Variants in ARHGAP20 observed in about 807,000 individuals in gnomAD.
The protein encoded by ARHGAP20 is Rho GTPase activating protein 20, also known as rho GTPase-activating protein 20.
A neutral mutation model predicts 73.7 loss-of-function variants in ARHGAP20; 34 were observed. That is an observed-to-expected ratio of 0.46 (90% CI 0.35 to 0.61). The LOEUF (loss-of-function observed/expected upper bound fraction) is 0.61, where lower values mean the gene tolerates loss of function less well. Among genes scored for constraint, ARHGAP20 ranks in the 20% least tolerant of loss-of-function variants. The probability of loss-of-function intolerance (pLI) is 0.00; values close to 1 mark genes in which losing one functional copy is unlikely to be tolerated. For missense variants in ARHGAP20, 1,314 were observed against 1,420.9 expected (o/e 0.92, Z 1.21); for synonymous variants, 523 against 518.2 (o/e 1.01, Z -0.13).
intron 2 of ARHGAP20, among the ~76,000 whole-genome samples, chr11:110,646,027 T>A (rs999093019): frequency 2.0e-5 from 3 of 152,184 alleles, no homozygotes; most frequent in African/African-American, 7.2e-5. Flanking sequence ...CTATGCTCAC[T>A]ACCTGGGTGA....
intron 2 of ARHGAP20, among the ~76,000 whole-genome samples, chr11:110,671,717 A>G (rs1300131279): frequency 6.6e-6 from 1 of 152,144 alleles, no homozygotes; most frequent in Non-Finnish European, 1.5e-5. Flanking sequence ...TAAAAAAGTC[A>G]TAATATCGAC....
rs191377098 is a variant in ARHGAP20 at position 110,687,929 on chromosome 11, T to C, written c.188+2618A>G. 4.6e-5 allele frequency among the ~76,000 whole-genome samples: 7 copies of C among 152,320 alleles called. No homozygotes were observed. The East Asian group carries it at 1.3e-3, about 29-fold the overall frequency. The stretch of plus-strand genomic sequence containing the variant: ...CACAGAAAAATGAAGCCCAGTAATT[T>C]TTAGAAATGGTTCCAAACAATACAA... On this transcript the variant is annotated intron_variant, in intron 2 of 14. Coordinates refer to ENST00000683387, the MANE Select transcript of ARHGAP20 (RefSeq NM_001384657.1).
At chr11:110,664,349 C>CAT (rs113832520) in intron 2 of ARHGAP20, among the ~76,000 whole-genome samples, 2,113 of 151,502 alleles carry the variant, frequency 0.014, 54 homozygotes, top group African/African-American at 0.047. Context: ...GGATATAAGA[C>CAT]ATATATATAT....
intron 2 of ARHGAP20, among the ~76,000 whole-genome samples, chr11:110,675,980 G>A (rs1208347233): frequency 3.3e-5 from 5 of 152,180 alleles, no homozygotes; most frequent in Admixed American, 3.3e-4. Flanking sequence ...CAGAGTGCCT[G>A]CCTCATGGTG....
At chr11:110,685,444 T>A (rs537264980) in intron 2 of ARHGAP20, among the ~76,000 whole-genome samples, 3 of 152,198 alleles carry the variant, frequency 2.0e-5, no homozygotes, top group South Asian at 2.1e-4. Flanking sequence ...TTTCCTAATA[T>A]AATAATTACT....
chr11:110,580,761 A>C lies in ARHGAP20; in HGVS notation c.2185T>G (p.Ser729Ala). The change falls in exon 15 of 15, where the codon TCC (serine) becomes GCC (alanine). Residue 729 changes from serine to alanine, a missense_variant. Physicochemically the swap from Ser to Ala is moderately conservative, Grantham distance 99 (BLOSUM62 1). This residue lies in a region of ARHGAP20 where 641 missense variants were observed against 636.9 expected (regional missense o/e 1.01). Coordinates refer to ENST00000683387, the MANE Select transcript of ARHGAP20 (RefSeq NM_001384657.1). ...TGAGAAAGAATTGCATCACAGCTGG[A>C]CTTGCGTAGCTTTTTCTGATAAAAC... ...REFYQKKLRKSSCDAILSQKD... is the reference protein window; with the variant it reads ...REFYQKKLRKASCDAILSQKD... The C allele has an allele frequency of 6.2e-7, 1 of 1,613,596 alleles. No homozygotes were observed. Among genetic ancestry groups the C allele is most frequent in the Non-Finnish European group, 8.5e-7 (1 of 1,179,868 alleles).
At chr11:110,649,458 T>C (rs1009816254) in intron 2 of ARHGAP20, among the ~76,000 whole-genome samples, 1 of 152,044 alleles carries the variant, frequency 6.6e-6, no homozygotes, top group African/African-American at 2.4e-5. Context: ...ACAAAGTATT[T>C]AGATGTAAAA....
intron 11 of ARHGAP20, among the ~76,000 whole-genome samples, chr11:110,588,227 CT>C (rs1947724609): frequency 6.6e-6 from 1 of 152,186 alleles, no homozygotes; most frequent in South Asian, 2.1e-4. Context: ...GCTCACAGCA[CT>C]TAGTTGAATG....
At chr11:110,700,858 C>A (rs1950434883) in intron 1 of ARHGAP20, among the ~76,000 whole-genome samples, 1 of 151,172 alleles carries the variant, frequency 6.6e-6, no homozygotes, top group Non-Finnish European at 1.5e-5. Flanking sequence ...TTTGTTCTTG[C>A]AACAGTTTAC....
chr11:110,583,557 A>G lies in ARHGAP20; in HGVS notation c.1596T>C (p.Phe532=), dbSNP rs1322124130. The G allele has an allele frequency of 6.3e-7, 1 of 1,593,572 alleles. No individual in the cohort carries two copies. Residue 532 remains phenylalanine (F), a synonymous_variant, in exon 13 of 15, where the codon TTT becomes TTC. Transcript: ENST00000683387. The part of the protein sequence containing the change: ...ASSSPELENE[F]TKKVSLLIQF... ...TGAAAAACTTCATTACCTTTTTTGT[A>G]AATTCGTTTTCTAGTTCTGGGCTGG...
chr11:110,675,881 T>C (rs1390972360), intron 2 of ARHGAP20, among the ~76,000 whole-genome samples: 1 of 152,186 alleles, frequency 6.6e-6, no homozygotes, highest in African/African-American at 2.4e-5. Flanking sequence ...TTATAGTCTA[T>C]TCAAGAAATT....
chr11:110,612,206 C>T (rs185506555), intron 6 of ARHGAP20, among the ~76,000 whole-genome samples: 1 of 151,638 alleles, frequency 6.6e-6, no homozygotes, highest in Non-Finnish European at 1.5e-5. Context: ...GTCATGAGGT[C>T]AGGAGATCGA....
Position 110,578,094 on chromosome 11 carries a change from A to C in ARHGAP20, c.*1276T>G. On this transcript the variant is annotated 3_prime_UTR_variant, in exon 15 of 15. Coordinates refer to ENST00000683387, the MANE Select transcript of ARHGAP20 (RefSeq NM_001384657.1). The stretch of plus-strand genomic sequence containing the variant: ...TGCATACTAGTTGGCAAGGCCTGAT[A>C]ATCTATTCCTAGGTGACGAGATGTA... 1.0e-6 allele frequency: 1 copy of C among 985,464 alleles called. No individual in the cohort carries two copies. Among genetic ancestry groups the C allele is most frequent in the Non-Finnish European group, 1.2e-6 (1 of 829,938 alleles). 61.0% of individuals were successfully genotyped at this position (985,464 alleles called of 1,614,324 possible).
At chr11:110,605,141 A>G (rs912258870) in intron 9 of ARHGAP20, among the ~76,000 whole-genome samples, 2 of 152,214 alleles carry the variant, frequency 1.3e-5, no homozygotes, top group Non-Finnish European at 2.9e-5. Context: ...GATGATCACG[A>G]TAACCATGGA....
At chr11:110,686,885 T>G (rs1270384827) in intron 2 of ARHGAP20, among the ~76,000 whole-genome samples, 2 of 149,382 alleles carry the variant, frequency 1.3e-5, no homozygotes, top group African/African-American at 5.0e-5. Context: ...TTTGCATACC[T>G]TCAGAGTACA....
Position 110,599,499 on chromosome 11 carries a change from C to A in ARHGAP20, c.964+7062G>T, listed in dbSNP as rs1328822425. Among the ~76,000 whole-genome samples, 3 of 152,298 alleles carry A rather than the reference C, an allele frequency of 2.0e-5. No individual in the cohort carries two copies. The East Asian group carries it at 5.8e-4, about 29-fold the overall frequency. ...CCCCTTTGCACCTATAGCCTGGGCG[C>A]CATGAACAGCAGCAGGAGGCAGAAA... On this transcript the variant is annotated intron_variant, in intron 9 of 14. Coordinates refer to ENST00000683387, the MANE Select transcript of ARHGAP20 (RefSeq NM_001384657.1).
At chr11:110,623,811 A>ACT in intron 4 of ARHGAP20, among the ~76,000 whole-genome samples, 1 of 151,902 alleles carries the variant, frequency 6.6e-6, no homozygotes, top group Non-Finnish European at 1.5e-5. Context: ...AGATGGGACT[A>ACT]CTCTATTCCC....
intron 2 of ARHGAP20, among the ~76,000 whole-genome samples, chr11:110,657,101 T>C (rs1017278273): frequency 3.3e-5 from 5 of 152,216 alleles, no homozygotes; most frequent in Non-Finnish European, 7.3e-5. Flanking sequence ...TTATATAGCC[T>C]TTATTCATTG....
chr11:110,594,034 G>A (rs1337173274), intron 9 of ARHGAP20, among the ~76,000 whole-genome samples: 4 of 152,334 alleles, frequency 2.6e-5, no homozygotes, highest in African/African-American at 2.4e-5. Context: ...CAGCAGTCTT[G>A]TCATTTCAGT....
Sources: gnomAD v4.1 joint callset for allele counts (sites outside exome capture counted in the v4.1 genomes callset) on GRCh38, gnomAD v4.1.1 for gene constraint, gnomAD v4.1.1 regional missense constraint, MANE v1.5 for transcripts, NCBI Gene and HGNC (gene_info 2026-07-23, HGNC 2026-07-21) for gene names.